The following RICTOR variants were observed in gnomAD, a reference collection of about 807,000 sequenced individuals.
RICTOR encodes RPTOR independent companion of MTOR complex 2.
In RICTOR, 49 loss-of-function variants were observed where a neutral mutation model predicts 214.9. The observed-to-expected ratio is 0.23, with a 90% CI of 0.18 to 0.29. RICTOR has a LOEUF of 0.29. Ranked by LOEUF, RICTOR falls within the 10% of genes least tolerant of loss-of-function variation. The probability of loss-of-function intolerance (pLI) is 1.00; values close to 1 mark genes in which losing one functional copy is unlikely to be tolerated. For missense variants in RICTOR, 1,625 were observed against 2,047.0 expected, an observed-to-expected ratio of 0.79 and a Z score of 3.98; for synonymous variants, 717 against 711.3, an observed-to-expected ratio of 1.01 and a Z score of -0.13.
chr5:39,032,928 G>T (rs913395816), intron 2 of RICTOR, among the ~76,000 whole-genome samples: 6 of 152,166 alleles, frequency 3.9e-5, no homozygotes, highest in Non-Finnish European at 8.8e-5. Flanking sequence ...GCTCAGACTA[G>T]ATTAGTAAAG....
At position 39,021,177 on chromosome 5, in the gene RICTOR, T is replaced by G. The variant is rs776314141; in HGVS notation, c.98-41A>C. 13 of 1,084,964 alleles carry G rather than the reference T, an allele frequency of 1.2e-5. No homozygotes were observed. The South Asian group carries it at 1.6e-4, about 13-fold the overall frequency. The allele number at this position is 1,084,964 out of a possible 1,614,324, so 67.2% of individuals were successfully genotyped here. ...AGACAATTTAACACAATTTTATGAGTATTTTCCTGTTCAAACACATAAAAC... is the reference window on the plus strand; with the variant it reads ...AGACAATTTAACACAATTTTATGAGGATTTTCCTGTTCAAACACATAAAAC... On this transcript the variant is annotated intron_variant, in intron 2 of 37. Coordinates refer to ENST00000357387, the MANE Select transcript of RICTOR (RefSeq NM_152756.5).
chr5:39,043,249 T>C (rs1378125397), intron 2 of RICTOR, among the ~76,000 whole-genome samples: 3 of 152,178 alleles, frequency 2.0e-5, no homozygotes, highest in Non-Finnish European at 4.4e-5. Context: ...TGTCCTTCAA[T>C]AGATAAATGA....
intron 32 of RICTOR, 24 bp downstream of exon 32, chr5:38,947,240 A>T: frequency 6.4e-7 from 1 of 1,556,564 alleles, no homozygotes; most frequent in South Asian, 1.2e-5. Flanking sequence ...ACTCATAGGA[A>T]AACAATAAAA....
intron 2 of RICTOR, among the ~76,000 whole-genome samples, chr5:39,068,194 C>A (rs1759033905): frequency 6.6e-6 from 1 of 152,180 alleles, no homozygotes; most frequent in Non-Finnish European, 1.5e-5. Flanking sequence ...GCTGGAAATG[C>A]AATTCAAGGC....
chr5:38,957,823 A>G, intron 24 of RICTOR, 93 bp from the exon 25 acceptor site: 1 of 665,326 alleles, frequency 1.5e-6, no homozygotes, highest in Non-Finnish European at 2.6e-6. Context: ...AAGTATAAGG[A>G]GCTAAAAGAC....
At chr5:39,003,659 TG>T in intron 3 of RICTOR, 37 bp from the exon 4 acceptor site, 1 of 1,363,092 alleles carries the variant, frequency 7.3e-7, no homozygotes, top group Non-Finnish European at 1.0e-6. Context: ...ATTTATGTGT[TG>T]TATATTTTCA....
chr5:38,990,563 T>TATACGATATATACACGATATAC (rs1752545010), intron 7 of RICTOR, among the ~76,000 whole-genome samples: 2 of 144,862 alleles, frequency 1.4e-5, no homozygotes, highest in Non-Finnish European at 3.0e-5. Flanking sequence ...ACACGATATA[T>TATACGATATATACACGATATAC]ACACGATATA....
At chr5:39,025,556 C>T (rs1755748965) in intron 2 of RICTOR, among the ~76,000 whole-genome samples, 1 of 152,200 alleles carries the variant, frequency 6.6e-6, no homozygotes, top group Non-Finnish European at 1.5e-5. Context: ...GACCGAATGG[C>T]TTATTAAGCA....
At chr5:38,949,458 G>T (rs1748509945) in intron 31 of RICTOR, 2 of 1,543,544 alleles carry the variant, frequency 1.3e-6, no homozygotes, top group Non-Finnish European at 1.7e-6. Context: ...ATAAAAAAAA[G>T]CTTGTGACTT....
chr5:39,013,920 TAAC>T lies in RICTOR; in HGVS notation c.195+7116_195+7118del, dbSNP rs1754742243. On this transcript the variant is annotated intron_variant, in intron 3 of 37. Transcript: ENST00000357387. Reference sequence around the variant, plus strand: ...TATACATCTACAGTCATGCACTGCATAACAACTTTTCAGTCAATGATGGATCAC... The same window carrying T: ...TATACATCTACAGTCATGCACTGCATAACTTTTCAGTCAATGATGGATCAC... Among the ~76,000 whole-genome samples, 4 of 152,172 alleles carry T rather than the reference TAAC, an allele frequency of 2.6e-5. No individual in the cohort carries two copies. The South Asian group carries it at 8.3e-4, about 31-fold the overall frequency.
chr5:39,046,722 G>A (rs1381412954), intron 2 of RICTOR, among the ~76,000 whole-genome samples: 4 of 151,920 alleles, frequency 2.6e-5, no homozygotes. Flanking sequence ...TGTTCCTTAT[G>A]ACTTGGTTTA....
chr5:39,033,565 C>CA (rs1282133072), intron 2 of RICTOR, among the ~76,000 whole-genome samples: 1 of 152,104 alleles, frequency 6.6e-6, no homozygotes, highest in Non-Finnish European at 1.5e-5. Context: ...CCTGGCCCAC[C>CA]AGTGTCCTAC....
chr5:38,958,638 G>A, intron 23 of RICTOR, 29 bp downstream of exon 23: 1 of 1,537,546 alleles, frequency 6.5e-7, no homozygotes. Flanking sequence ...AAAAATTTAA[G>A]TATTAAATTA....
intron 11 of RICTOR, among the ~76,000 whole-genome samples, chr5:38,968,690 A>T (rs1750441246): frequency 6.6e-6 from 1 of 151,340 alleles, no homozygotes; most frequent in South Asian, 2.1e-4. Flanking sequence ...GTGAGCTATG[A>T]TCATTCCACT....
At chr5:39,040,091 G>T (rs900893853) in intron 2 of RICTOR, among the ~76,000 whole-genome samples, 1 of 152,012 alleles carries the variant, frequency 6.6e-6, no homozygotes, top group African/African-American at 2.4e-5. Flanking sequence ...TAATAGACTG[G>T]ATTAAGAAAA....
Position 38,991,054 on chromosome 5 carries a change from A to T in RICTOR, c.478T>A (p.Leu160Met). The change falls in exon 7 of 38, where the codon TTG becomes ATG. Residue 160 changes from leucine to methionine, a missense_variant. By Grantham distance (15) the Leu-to-Met change is conservative. Around this residue, in one of 5 missense-constraint regions of RICTOR, gnomAD observed 258 missense variants for 393.7 expected, o/e 0.66. Transcript: ENST00000357387. The stretch of plus-strand genomic sequence containing the variant: ...GAGTTGGTCACAGAACTAGGAAACA[A>T]GGAAGCATTCACAGTAATCATCTGT... ...VRKMITVNAS[L>M]FPSSVTNSLI... 1 of 1,596,248 alleles carries T rather than the reference A, an allele frequency of 6.3e-7. No homozygotes were observed. Among genetic ancestry groups the T allele is most frequent in the Non-Finnish European group, 8.6e-7 (1 of 1,169,382 alleles).
At chr5:39,048,731 G>T (rs1020689869) in intron 2 of RICTOR, among the ~76,000 whole-genome samples, 1 of 152,114 alleles carries the variant, frequency 6.6e-6, no homozygotes, top group Non-Finnish European at 1.5e-5. Context: ...TCTAAGGATG[G>T]TATCTGGGAC....
intron 16 of RICTOR, among the ~76,000 whole-genome samples, chr5:38,963,392 C>T (rs547481783): frequency 3.3e-5 from 5 of 151,902 alleles, no homozygotes; most frequent in South Asian, 2.1e-4. Context: ...ATCCTTAATC[C>T]GCCTGAAACT....
chr5:39,052,810 A>C (rs1404706573), intron 2 of RICTOR, among the ~76,000 whole-genome samples: 1 of 152,192 alleles, frequency 6.6e-6, no homozygotes, highest in African/African-American at 2.4e-5. Context: ...GTGATCTCTT[A>C]TCAGTTTCTT....
Sources: gnomAD v4.1 joint callset for allele counts (sites outside exome capture counted in the v4.1 genomes callset) on GRCh38, gnomAD v4.1.1 for gene constraint, gnomAD v4.1.1 regional missense constraint, MANE v1.5 for transcripts, NCBI Gene and HGNC (gene_info 2026-07-23, HGNC 2026-07-21) for gene names.